The following DHRSX variants were observed in gnomAD, a reference collection of about 807,000 sequenced individuals.
The protein encoded by DHRSX is polyprenol dehydrogenase.
A neutral mutation model predicts 34.0 loss-of-function variants in DHRSX; 31 were observed. The observed-to-expected ratio is 0.91, with a 90% confidence interval of 0.69 to 1.23. DHRSX has a LOEUF of 1.23. DHRSX is among the 50% of genes most tolerant of loss of function. The pLI is 0.00. For synonymous variants in DHRSX, 201 were observed against 183.8 expected, an observed-to-expected ratio of 1.09 and a Z score of -0.76; for missense variants, 414 against 428.1, an observed-to-expected ratio of 0.97 and a Z score of 0.29.
At chrX:2,477,820 G>C (rs1245598471) in intron 1 of DHRSX, among the ~76,000 whole-genome samples, 2 of 151,850 alleles carry the variant, frequency 1.3e-5, no homozygotes, top group Non-Finnish European at 2.9e-5. Flanking sequence ...ACTCCAGCCT[G>C]GGTGACAGGG....
At chrX:2,239,785 TTAAA>T (rs1398840694) in intron 6 of DHRSX, among the ~76,000 whole-genome samples, 2 of 150,578 alleles carry the variant, frequency 1.3e-5, no homozygotes, top group African/African-American at 4.9e-5. Context: ...AATAAATAAA[TTAAA>T]TAAAATAAAA....
rs1351331014 is a variant in DHRSX, at chrX:2,220,767, T to C, written c.*274A>G. On this transcript the variant is annotated 3_prime_UTR_variant, in exon 7 of 7. Coordinates refer to ENST00000334651, the MANE Select transcript of DHRSX (RefSeq NM_145177.3). ...GGCAAGGAAAATGGCACATTTATGT[T>C]GGAAAATGTAATTATTTATGGCACC... 2.2e-6 allele frequency: 1 copy of C among 451,426 alleles called. No individual in the cohort carries two copies. Among genetic ancestry groups the C allele is most frequent in the Non-Finnish European group, 3.9e-6 (1 of 255,784 alleles). 28.0% of individuals were successfully genotyped at this position (451,426 alleles called of 1,614,324 possible). A position where few individuals can be genotyped will look rare whatever the true frequency, so the allele number is the denominator to read the frequency against.
chrX:2,412,770 C>A (rs1247526679), intron 2 of DHRSX, among the ~76,000 whole-genome samples: 1 of 152,112 alleles, frequency 6.6e-6, no homozygotes, highest in Non-Finnish European at 1.5e-5. Flanking sequence ...ACCAGAGGAC[C>A]CTATCCTGTG....
At position 2,495,337 on chromosome X, in the gene DHRSX, A is replaced by T. The variant is rs1255167360; in HGVS notation, c.109+5480T>A. 6.6e-5 allele frequency among the ~76,000 whole-genome samples: 10 copies of T among 151,892 alleles called. No homozygotes were observed. In the East Asian group the frequency reaches 1.9e-3, roughly 29 times the overall value. On this transcript the variant is annotated intron_variant, in intron 1 of 6. Transcript: ENST00000334651. ...GCTGAAAGACGCCCCAGTACCATGA[A>T]CAAAGGTTTATATTCTATTATTATT...
chrX:2,459,592 AAT>A (rs1193845858), intron 1 of DHRSX, among the ~76,000 whole-genome samples: 1 of 147,420 alleles, frequency 6.8e-6, no homozygotes, highest in Admixed American at 6.9e-5. Flanking sequence ...ACACACATAC[AAT>A]ATATATATAC....
intron 3 of DHRSX, among the ~76,000 whole-genome samples, chrX:2,408,321 G>C (rs1457404775): frequency 6.6e-6 from 1 of 151,872 alleles, no homozygotes; most frequent in East Asian, 1.9e-4. Context: ...TGATCCACCC[G>C]CCTCAGCCTC....
chrX:2,425,470 T>G (rs892470739), intron 1 of DHRSX, among the ~76,000 whole-genome samples, 166 bp from the exon 2 acceptor site: 3 of 152,172 alleles, frequency 2.0e-5, no homozygotes, highest in African/African-American at 7.2e-5. Flanking sequence ...ATGAATGTAT[T>G]AAAGTGGATT....
intron 3 of DHRSX, among the ~76,000 whole-genome samples, chrX:2,345,818 C>T (rs1276728482): frequency 6.6e-6 from 1 of 152,154 alleles, no homozygotes; most frequent in Non-Finnish European, 1.5e-5. Context: ...ACTTTGGACT[C>T]CAACTACATC....
chrX:2,495,105 G>A (rs916285724), intron 1 of DHRSX, among the ~76,000 whole-genome samples: 1 of 149,822 alleles, frequency 6.7e-6, no homozygotes, highest in African/African-American at 2.5e-5. Flanking sequence ...ATGAAGCAAA[G>A]GTTTATATTC....
intron 1 of DHRSX, among the ~76,000 whole-genome samples, chrX:2,493,142 G>A (rs1233578630): frequency 6.6e-6 from 1 of 152,166 alleles, no homozygotes; most frequent in Non-Finnish European, 1.5e-5. Context: ...AAGGTGCTGA[G>A]AGAATGAATA....
At chrX:2,485,414 G>C (rs898020724) in intron 1 of DHRSX, among the ~76,000 whole-genome samples, 1 of 151,060 alleles carries the variant, frequency 6.6e-6, no homozygotes, top group African/African-American at 2.4e-5. Flanking sequence ...GGCAAGTCTG[G>C]GCAGAGGTGC....
intron 1 of DHRSX, among the ~76,000 whole-genome samples, chrX:2,462,951 G>C (rs1333451442): frequency 6.6e-6 from 1 of 152,066 alleles, no homozygotes; most frequent in East Asian, 1.9e-4. Flanking sequence ...GACTTGGGAG[G>C]TGATGACTTC....
At chrX:2,237,763 C>T (rs2016050292) in intron 6 of DHRSX, among the ~76,000 whole-genome samples, 1 of 152,028 alleles carries the variant, frequency 6.6e-6, no homozygotes, top group African/African-American at 2.4e-5. Context: ...CTCAGCCTCC[C>T]AAAGTGTTGG....
At chrX:2,264,318 C>T (rs369670966) in intron 5 of DHRSX, among the ~76,000 whole-genome samples, 41 of 141,870 alleles carry the variant, frequency 2.9e-4, no homozygotes, top group Non-Finnish European at 5.2e-4. Context: ...CAGGGAGCAC[C>T]GTGCCCAGAG....
intron 2 of DHRSX, among the ~76,000 whole-genome samples, chrX:2,418,078 C>T (rs2043718732): frequency 6.6e-6 from 1 of 151,798 alleles, no homozygotes; most frequent in Non-Finnish European, 1.5e-5. Context: ...CCAATTAGAT[C>T]TCAAAGTGAC....
intron 1 of DHRSX, among the ~76,000 whole-genome samples, chrX:2,431,431 G>A (rs1365399352): frequency 4.6e-5 from 7 of 152,022 alleles, no homozygotes; most frequent in African/African-American, 7.2e-5. Flanking sequence ...ATAGTGCTGC[G>A]ATGAACACAC....
intron 3 of DHRSX, among the ~76,000 whole-genome samples, chrX:2,343,607 G>A (rs1461105448): frequency 6.6e-6 from 1 of 152,170 alleles, no homozygotes; most frequent in Non-Finnish European, 1.5e-5. Context: ...GCTGTCACTT[G>A]TAATCATTAC....
chrX:2,398,550 G>C (rs1374228743), intron 3 of DHRSX, among the ~76,000 whole-genome samples: 4 of 152,072 alleles, frequency 2.6e-5, no homozygotes, highest in Non-Finnish European at 4.4e-5. Context: ...CCCATGTGTG[G>C]ATGTGCTTAT....
At chrX:2,307,801 AAT>A (rs1288356696) in intron 3 of DHRSX, among the ~76,000 whole-genome samples, 2,637 of 149,280 alleles carry the variant, frequency 0.018, 84 homozygotes, top group African/African-American at 0.058. Context: ...AAAAAAATAA[AAT>A]AAAAAACAAG....
Sources: allele counts gnomAD v4.1 joint callset (sites outside exome capture counted in the v4.1 genomes callset), GRCh38; gene constraint gnomAD v4.1.1; transcripts MANE v1.5; gene names NCBI Gene and HGNC (gene_info 2026-07-23, HGNC 2026-07-21).